The following EYS variants were observed in gnomAD, a reference collection of about 807,000 sequenced individuals.
EYS encodes protein eyes shut homolog.
Under a neutral mutation model 282.1 loss-of-function variants are expected in EYS, and 250 were observed. The ratio of observed to expected loss-of-function variants is 0.89; its 90% CI spans 0.80 to 0.98. The LOEUF is 0.98. Ranked by LOEUF, EYS falls within the 50% of genes least tolerant of loss-of-function variation. The probability of loss-of-function intolerance (pLI) is 0.00; values close to 1 mark genes in which losing one functional copy is unlikely to be tolerated. For synonymous variants in EYS, 1,355 were observed against 1,282.9 expected, an observed-to-expected ratio of 1.06 and a Z score of -1.20; for missense variants, 4,016 against 3,709.0, an observed-to-expected ratio of 1.08 and a Z score of -2.15.
At chr6:65,119,104 A>C (rs1438726490) in intron 12 of EYS, among the ~76,000 whole-genome samples, 1 of 152,252 alleles carries the variant, frequency 6.6e-6, no homozygotes, top group East Asian at 1.9e-4. Flanking sequence ...TCAATAGTTA[A>C]GTTTTTCTCT....
At chr6:65,468,002 T>C (rs1439740504) in intron 5 of EYS, among the ~76,000 whole-genome samples, 2 of 152,128 alleles carry the variant, frequency 1.3e-5, no homozygotes, top group Admixed American at 1.3e-4. Context: ...CTGTGGGAAC[T>C]CCAATGCCCT....
chr6:65,094,023 C>T (rs1005148057), intron 12 of EYS, among the ~76,000 whole-genome samples: 3 of 151,450 alleles, frequency 2.0e-5, no homozygotes, highest in South Asian at 4.2e-4. Context: ...AAAGGTGTTA[C>T]AAAAATATGT....
intron 35 of EYS, among the ~76,000 whole-genome samples, chr6:63,865,950 T>C (rs1333881684): frequency 6.6e-6 from 1 of 152,186 alleles, no homozygotes; most frequent in Non-Finnish European, 1.5e-5. Context: ...CTCATAAGGC[T>C]TATCCTGTAA....
chr6:64,856,287 T>C (rs948023826), intron 19 of EYS, among the ~76,000 whole-genome samples: 2 of 152,018 alleles, frequency 1.3e-5, no homozygotes, highest in Non-Finnish European at 2.9e-5. Flanking sequence ...TCATTTGGTA[T>C]CAAAAAAATA....
intron 12 of EYS, among the ~76,000 whole-genome samples, chr6:65,209,571 A>G (rs890467940): frequency 6.6e-6 from 1 of 151,956 alleles, no homozygotes; most frequent in African/African-American, 2.4e-5. Context: ...ATTATTTAAT[A>G]TGTATTATGT....
chr6:64,328,651 C>T (rs1770520560), intron 29 of EYS, among the ~76,000 whole-genome samples: 1 of 152,082 alleles, frequency 6.6e-6, no homozygotes, highest in African/African-American at 2.4e-5. Flanking sequence ...TTTGAAGGCA[C>T]CTAAATAACC....
chr6:64,099,772 C>T (rs1392079418), intron 31 of EYS, among the ~76,000 whole-genome samples: 2 of 152,110 alleles, frequency 1.3e-5, no homozygotes, highest in East Asian at 1.9e-4. Context: ...GAAAAAGTTA[C>T]TGCTAGCTGG....
At chr6:64,707,944 G>A (rs1057229382) in intron 22 of EYS, among the ~76,000 whole-genome samples, 1 of 151,906 alleles carries the variant, frequency 6.6e-6, no homozygotes, top group African/African-American at 2.4e-5. Context: ...AAGTGATACA[G>A]AATATAAATC....
chr6:64,707,339 T>TG (rs1562146625), intron 22 of EYS, among the ~76,000 whole-genome samples: 1 of 151,808 alleles, frequency 6.6e-6, no homozygotes, highest in Admixed American at 6.6e-5. Flanking sequence ...TTTGGGAACT[T>TG]GGGGGAAAGG....
chr6:64,018,740 C>T (rs980128692), intron 33 of EYS, among the ~76,000 whole-genome samples: 1 of 142,646 alleles, frequency 7.0e-6, no homozygotes, highest in East Asian at 2.1e-4. Context: ...TTGGGAGTGT[C>T]CTGAATGTCA....
chr6:64,379,250 C>T (rs1198897921), intron 29 of EYS, among the ~76,000 whole-genome samples: 20 of 152,010 alleles, frequency 1.3e-4, no homozygotes, highest in Admixed American at 1.3e-3. Flanking sequence ...ATTAATAGCC[C>T]CAAAGCACTT....
At chr6:64,580,042 G>T (rs1371890061) in intron 26 of EYS, among the ~76,000 whole-genome samples, 2 of 151,972 alleles carry the variant, frequency 1.3e-5, no homozygotes, top group Admixed American at 1.3e-4. Context: ...AAGTCCCAGG[G>T]TGTTTTCCAT....
intron 5 of EYS, among the ~76,000 whole-genome samples, chr6:65,440,897 G>A (rs9354239): frequency 0.19 from 27,016 of 145,568 alleles, 3,109 homozygotes; most frequent in Middle Eastern, 0.31. Flanking sequence ...ATATGTTTAT[G>A]TATAATATAT....
chr6:64,427,730 T>C (rs186209647), intron 28 of EYS, among the ~76,000 whole-genome samples: 10 of 152,212 alleles, frequency 6.6e-5, no homozygotes, highest in African/African-American at 9.6e-5. Context: ...AGAAAGCACA[T>C]GAAAGCAACC....
intron 36 of EYS, among the ~76,000 whole-genome samples, chr6:63,813,270 A>G (rs1299776565): frequency 6.6e-6 from 1 of 152,208 alleles, no homozygotes; most frequent in Non-Finnish European, 1.5e-5. Flanking sequence ...ATGAGCCACC[A>G]GGCCTGGCCC....
At chr6:64,087,493 G>T (rs1046524935) in intron 31 of EYS, among the ~76,000 whole-genome samples, 1 of 152,044 alleles carries the variant, frequency 6.6e-6, no homozygotes, top group African/African-American at 2.4e-5. Flanking sequence ...AGATAAAAAG[G>T]AAAGTCCATA....
chr6:65,000,709 CAG>C (rs1162748212), intron 13 of EYS, among the ~76,000 whole-genome samples: 3 of 152,158 alleles, frequency 2.0e-5, no homozygotes, highest in African/African-American at 7.2e-5. Context: ...ACCTGGGAGA[CAG>C]AGGTCACAGT....
intron 12 of EYS, among the ~76,000 whole-genome samples, chr6:65,224,580 G>T (rs1766568426): frequency 6.6e-6 from 1 of 151,032 alleles, no homozygotes; most frequent in Non-Finnish European, 1.5e-5. Flanking sequence ...ATGAAATCAA[G>T]AAATGAAATA....
At chr6:64,985,648 T>A (rs1272579524) in intron 14 of EYS, among the ~76,000 whole-genome samples, 1 of 151,594 alleles carries the variant, frequency 6.6e-6, no homozygotes, top group Non-Finnish European at 1.5e-5. Context: ...AAAGTCTGAT[T>A]TAATTAGGGT....
Sources: gnomAD v4.1 joint callset for allele counts (sites outside exome capture counted in the v4.1 genomes callset) on GRCh38, gnomAD v4.1.1 for gene constraint, MANE v1.5 for transcripts, NCBI Gene and HGNC (gene_info 2026-07-23, HGNC 2026-07-21) for gene names.